Variants in HIPK2 observed in about 807,000 individuals in gnomAD.
HIPK2 encodes the protein homeodomain interacting protein kinase 2.
A neutral mutation model predicts 113.7 loss-of-function variants in HIPK2; 27 were observed. The ratio of observed to expected loss-of-function variants is 0.24; its 90% CI spans 0.17 to 0.33. The LOEUF is 0.33. HIPK2 is among the 10% of genes least tolerant of loss of function. HIPK2 has a pLI of 1.00. For missense variants in HIPK2, 1,257 were observed against 1,588.0 expected (o/e 0.79, Z 3.54); for synonymous variants, 631 against 642.2 (o/e 0.98, Z 0.26).
chr7:139,668,358 A>G (rs1396413060), intron 2 of HIPK2, among the ~76,000 whole-genome samples: 2 of 151,982 alleles, frequency 1.3e-5, no homozygotes, highest in Non-Finnish European at 2.9e-5. Flanking sequence ...TCAGGAGATC[A>G]AGACCATCCT....
At chr7:139,706,117 C>A (rs1004354719) in intron 2 of HIPK2, among the ~76,000 whole-genome samples, 1 of 152,186 alleles carries the variant, frequency 6.6e-6, no homozygotes, top group Non-Finnish European at 1.5e-5. Context: ...CTGGGGAAGT[C>A]GCTTCTCATT....
chr7:139,601,949 CTTTTTTTTTTTT>C (rs1053542551), intron 10 of HIPK2, among the ~76,000 whole-genome samples: 2 of 116,372 alleles, frequency 1.7e-5, no homozygotes, highest in Admixed American at 8.8e-5. Flanking sequence ...ATTATGGCTT[CTTTTTTTTTTTT>C]TTTTTTTTTG....
intron 6 of HIPK2, among the ~76,000 whole-genome samples, chr7:139,626,107 C>CTT (rs545931727): frequency 5.6e-5 from 8 of 143,740 alleles, no homozygotes; most frequent in African/African-American, 2.0e-4. Flanking sequence ...TTTTTCTTTC[C>CTT]TTTTTTTTTT....
At chr7:139,696,876 G>A (rs1794582475) in intron 2 of HIPK2, among the ~76,000 whole-genome samples, 2 of 152,176 alleles carry the variant, frequency 1.3e-5, no homozygotes, top group Non-Finnish European at 2.9e-5. Flanking sequence ...GGCACTGCAT[G>A]TGTGGATTTC....
In HIPK2 at chr7:139,613,053, G is replaced by T. The variant is rs953147773; in HGVS notation, c.2112+149C>A. ...ATACTTAGGAAGGTAATTCACTTGG[G>T]GACCATTTAGAATATTACAGATACA... is the stretch of plus-strand genomic sequence containing the variant. On this transcript the variant is annotated intron_variant, in intron 9 of 14. Transcript: ENST00000406875. The surrounding 1 kb of genome is among the most constrained non-coding windows in gnomAD (Gnocchi z 4.2). 9 of 879,174 alleles carry T rather than the reference G, an allele frequency of 1.0e-5. No homozygotes were observed. Among genetic ancestry groups the T allele is most frequent in the Non-Finnish European group, 1.5e-5 (9 of 610,406 alleles). The allele number at this position is 879,174 out of a possible 1,614,324, so 54.5% of individuals were successfully genotyped here. A position where few individuals can be genotyped will look rare whatever the true frequency, so the allele number is the denominator to read the frequency against.
intron 2 of HIPK2, among the ~76,000 whole-genome samples, chr7:139,711,652 T>C (rs1169736436): frequency 6.6e-6 from 1 of 152,200 alleles, no homozygotes; most frequent in African/African-American, 2.4e-5. Flanking sequence ...TTGTGTTTTT[T>C]TCTGAGAGTG....
At chr7:139,611,435 T>G (rs938232794) in intron 9 of HIPK2, among the ~76,000 whole-genome samples, 1 of 152,200 alleles carries the variant, frequency 6.6e-6, no homozygotes, top group Non-Finnish European at 1.5e-5. Context: ...GTCCCATTAG[T>G]AGATTAAGGA....
chr7:139,697,459 T>C (rs1406315204), intron 2 of HIPK2, among the ~76,000 whole-genome samples: 1 of 152,166 alleles, frequency 6.6e-6, no homozygotes, highest in Non-Finnish European at 1.5e-5. Context: ...CTCTCAAAGA[T>C]ACTCTCATTC....
chr7:139,747,534 T>C (rs1796209515), intron 1 of HIPK2, among the ~76,000 whole-genome samples: 1 of 152,202 alleles, frequency 6.6e-6, no homozygotes, highest in Admixed American at 6.5e-5. Context: ...CAGTCGAAGA[T>C]ACTTTGGGAT....
At chr7:139,726,763 G>T (rs1795588682) in intron 1 of HIPK2, among the ~76,000 whole-genome samples, 1 of 152,176 alleles carries the variant, frequency 6.6e-6, no homozygotes. Flanking sequence ...GGAAGGGGAA[G>T]AGAGCAAGGT....
At chr7:139,737,991 AC>A (rs1343440145) in intron 1 of HIPK2, among the ~76,000 whole-genome samples, 3 of 152,210 alleles carry the variant, frequency 2.0e-5, no homozygotes, top group Non-Finnish European at 2.9e-5. Flanking sequence ...CAGGGCCCAG[AC>A]CCGATCCATC....
chr7:139,773,431 A>G (rs1796686761), intron 1 of HIPK2, among the ~76,000 whole-genome samples: 3 of 152,220 alleles, frequency 2.0e-5, no homozygotes, highest in Admixed American at 2.0e-4. Context: ...ATTATTCTGA[A>G]GCCCGTCTTT....
intron 11 of HIPK2, 42 bp downstream of exon 11, chr7:139,600,375 C>A: frequency 1.9e-6 from 3 of 1,593,266 alleles, no homozygotes; most frequent in Non-Finnish European, 2.6e-6. Context: ...GCACTCACAT[C>A]CCCTGGGATT....
chr7:139,730,411 A>G (rs1243790441), intron 1 of HIPK2, among the ~76,000 whole-genome samples: 1 of 150,140 alleles, frequency 6.7e-6, no homozygotes, highest in Non-Finnish European at 1.5e-5. Context: ...CCCAGGCTGG[A>G]GTGCAGTGGT....
chr7:139,633,495 C>G (rs1265895248), intron 2 of HIPK2, among the ~76,000 whole-genome samples: 1 of 152,060 alleles, frequency 6.6e-6, no homozygotes, highest in African/African-American at 2.4e-5. Flanking sequence ...TGTCTTATTA[C>G]CAAGTTCTGA....
At chr7:139,604,683 C>CAAA (rs11353760) in intron 9 of HIPK2, among the ~76,000 whole-genome samples, 11 of 48,804 alleles carry the variant, frequency 2.3e-4, no homozygotes, top group Admixed American at 3.1e-4. Context: ...GACTCCGTCT[C>CAAA]AAAAAAAAAA....
intron 2 of HIPK2, among the ~76,000 whole-genome samples, chr7:139,705,623 C>T (rs1213909923): frequency 5.9e-5 from 9 of 151,958 alleles, no homozygotes; most frequent in South Asian, 4.2e-4. Context: ...GTGATCCGCC[C>T]GCCTCGGCCT....
intron 1 of HIPK2, among the ~76,000 whole-genome samples, chr7:139,734,589 G>C (rs1484719199): frequency 6.6e-6 from 1 of 152,186 alleles, no homozygotes; most frequent in East Asian, 1.9e-4. Context: ...TCTTGGTAAA[G>C]AATATTTAAG....
chr7:139,682,019 G>C (rs1802718625), intron 2 of HIPK2, among the ~76,000 whole-genome samples: 2 of 152,210 alleles, frequency 1.3e-5, no homozygotes, highest in South Asian at 4.2e-4. Flanking sequence ...ACTCGTGCAC[G>C]GCTTATGTCA....
Sources: gnomAD v4.1 joint callset for allele counts (sites outside exome capture counted in the v4.1 genomes callset) on GRCh38, gnomAD v4.1.1 for gene constraint, Gnocchi (gnomAD v3.1) non-coding constraint, MANE v1.5 for transcripts, NCBI Gene and HGNC (gene_info 2026-07-23, HGNC 2026-07-21) for gene names.